GRIP1: variants seen among roughly 807,000 people sequenced by gnomAD.
GRIP1 encodes glutamate receptor-interacting protein 1.
In GRIP1, 45 loss-of-function variants were observed where a neutral mutation model predicts 129.9. That is an observed-to-expected ratio of 0.35 (90% CI 0.27 to 0.44). The LOEUF (loss-of-function observed/expected upper bound fraction) is 0.44, where lower values mean the gene tolerates loss of function less well. GRIP1 is among the 20% of genes least tolerant of loss of function. GRIP1 has a pLI of 1.00. For missense variants in GRIP1, 1,196 were observed against 1,396.8 expected (o/e 0.86, Z 2.29); for synonymous variants, 530 against 520.8 (o/e 1.02, Z -0.24).
At chr12:66,456,048 TAGG>T (rs2058951183) in intron 10 of GRIP1, 136 bp downstream of exon 10, 1 of 447,520 alleles carries the variant, frequency 2.2e-6, no homozygotes, top group South Asian at 1.9e-5. Flanking sequence ...GAAAAAAACC[TAGG>T]AGATGTCAGA....
chr12:66,487,033 C>T (rs952151737), intron 7 of GRIP1, among the ~76,000 whole-genome samples: 6 of 152,062 alleles, frequency 3.9e-5, no homozygotes, highest in Non-Finnish European at 5.9e-5. Flanking sequence ...TCAAGTGATC[C>T]TCCCAACTCA....
chr12:66,885,747 G>A (rs560155834), intron 1 of GRIP1, among the ~76,000 whole-genome samples: 48 of 152,234 alleles, frequency 3.2e-4, no homozygotes, highest in African/African-American at 7.7e-4. Flanking sequence ...TCACCAAGCC[G>A]CCTTGCCACT....
chr12:66,615,764 C>T (rs556456108), intron 1 of GRIP1, among the ~76,000 whole-genome samples: 14 of 152,298 alleles, frequency 9.2e-5, no homozygotes, highest in African/African-American at 2.9e-4. Context: ...CCTGCCTCAG[C>T]CTCCCGAGTA....
In GRIP1 at chr12:66,367,669, G is replaced by A. The variant is rs1041689712; in HGVS notation, c.3012+4025C>T. Among the ~76,000 whole-genome samples the A allele has an allele frequency of 2.0e-5, 3 of 152,216 alleles. No individual in the cohort carries two copies. The East Asian group carries it at 5.8e-4, about 29-fold the overall frequency. ...GAAGAAAAATCAGAAAAATGTCAGTGTATACTGTGCAGTCAATTTTTAGTT... is the reference window on the plus strand; with the variant it reads ...GAAGAAAAATCAGAAAAATGTCAGTATATACTGTGCAGTCAATTTTTAGTT... On this transcript the variant is annotated intron_variant, in intron 23 of 24. Transcript: ENST00000359742.
chr12:67,017,156 G>A (rs1312938208), intron 1 of GRIP1, among the ~76,000 whole-genome samples: 1 of 152,132 alleles, frequency 6.6e-6, no homozygotes, highest in East Asian at 1.9e-4. Flanking sequence ...ATACTAGGAA[G>A]AATAAAATGT....
chr12:66,604,380 T>C (rs1270464016), intron 1 of GRIP1, among the ~76,000 whole-genome samples: 1 of 152,258 alleles, frequency 6.6e-6, no homozygotes, highest in Non-Finnish European at 1.5e-5. Context: ...ATAACTCCTA[T>C]GCTTCTTCCT....
chr12:66,807,784 G>A (rs1003640332), upstream of GRIP1, among the ~76,000 whole-genome samples: 17 of 151,858 alleles, frequency 1.1e-4, no homozygotes, highest in African/African-American at 2.9e-4. Flanking sequence ...AATAGATGCC[G>A]CTATGCTTCC....
intron 1 of GRIP1, among the ~76,000 whole-genome samples, chr12:66,721,717 T>C (rs754906363): frequency 1.3e-5 from 2 of 152,240 alleles, no homozygotes; most frequent in Non-Finnish European, 2.9e-5. Context: ...AATGTCTTCT[T>C]CTTCTGATAT....
chr12:66,383,563 A>C (rs2056219086), intron 19 of GRIP1, among the ~76,000 whole-genome samples: 2 of 152,190 alleles, frequency 1.3e-5, no homozygotes, highest in Admixed American at 6.5e-5. Flanking sequence ...CATGTCACTC[A>C]GCCCATTCCT....
chr12:66,703,919 T>C (rs1480009), intron 1 of GRIP1, among the ~76,000 whole-genome samples: 59,780 of 151,542 alleles, frequency 0.39, 12,146 homozygotes, highest in South Asian at 0.52. Context: ...CAGATGTCAC[T>C]AAATTATACA....
At chr12:66,651,443 G>A (rs1418405321) in intron 1 of GRIP1, among the ~76,000 whole-genome samples, 3 of 152,150 alleles carry the variant, frequency 2.0e-5, no homozygotes, top group East Asian at 3.9e-4. Flanking sequence ...CTTTTCTCCC[G>A]ATGTCATTTA....
chr12:66,350,196 C>G (rs1362056119), intron 24 of GRIP1, among the ~76,000 whole-genome samples: 2 of 152,040 alleles, frequency 1.3e-5, no homozygotes, highest in South Asian at 2.1e-4. Context: ...TTCTTCCTGT[C>G]CTTTACATTT....
intron 1 of GRIP1, among the ~76,000 whole-genome samples, chr12:66,923,806 G>A (rs148579451): frequency 6.6e-6 from 1 of 152,058 alleles, no homozygotes; most frequent in East Asian, 1.9e-4. Flanking sequence ...TATACTCCCT[G>A]AGCTTTCAAA....
At chr12:66,674,845 G>A (rs1531648) in intron 1 of GRIP1, among the ~76,000 whole-genome samples, 62,784 of 151,594 alleles carry the variant, frequency 0.41, 13,170 homozygotes, top group Non-Finnish European at 0.46. Context: ...CAGCAGAAAA[G>A]GAGAAAAGAT....
At chr12:66,827,475 C>G (rs966852377) in intron 1 of GRIP1, among the ~76,000 whole-genome samples, 4 of 151,784 alleles carry the variant, frequency 2.6e-5, no homozygotes, top group Admixed American at 2.6e-4. Context: ...AATTTATACA[C>G]TAATCACATA....
chr12:66,409,622 T>G (rs2057314723), intron 15 of GRIP1, among the ~76,000 whole-genome samples: 1 of 152,218 alleles, frequency 6.6e-6, no homozygotes, highest in Non-Finnish European at 1.5e-5. Context: ...AACAATTCAA[T>G]TCTCAGACAC....
At chr12:66,902,368 T>C (rs2040857593) in intron 1 of GRIP1, among the ~76,000 whole-genome samples, 1 of 152,212 alleles carries the variant, frequency 6.6e-6, no homozygotes, top group Non-Finnish European at 1.5e-5. Flanking sequence ...TCCTTTACAA[T>C]GTGACATTAG....
At chr12:66,393,633 G>A (rs569965553) in intron 17 of GRIP1, among the ~76,000 whole-genome samples, 2 of 152,152 alleles carry the variant, frequency 1.3e-5, no homozygotes, top group African/African-American at 4.8e-5. Flanking sequence ...TTTGTTATAT[G>A]TCCAACAACA....
intron 1 of GRIP1, among the ~76,000 whole-genome samples, chr12:66,632,202 T>C (rs1049457711): frequency 7.9e-5 from 12 of 152,296 alleles, no homozygotes; most frequent in African/African-American, 2.9e-4. Flanking sequence ...GGTGGAAGTA[T>C]AGTAAGACAT....
Sources: gnomAD v4.1 joint callset for allele counts (sites outside exome capture counted in the v4.1 genomes callset) on GRCh38, gnomAD v4.1.1 for gene constraint, MANE v1.5 for transcripts, NCBI Gene and HGNC (gene_info 2026-07-23, HGNC 2026-07-21) for gene names.